Variants in GPATCH2L observed in about 807,000 individuals in gnomAD.
GPATCH2L encodes G patch domain-containing protein 2-like.
In GPATCH2L, 31 loss-of-function variants were observed where a neutral mutation model predicts 57.4. The ratio of observed to expected loss-of-function variants is 0.54; its 90% CI spans 0.41 to 0.73. The LOEUF is 0.73. Ranked by LOEUF, GPATCH2L falls within the 30% of genes least tolerant of loss-of-function variation. The pLI is 0.00. For synonymous variants in GPATCH2L, 199 were observed against 210.7 expected (o/e 0.94, Z 0.48); for missense variants, 481 against 599.9 (o/e 0.80, Z 2.07).
intron 1 of GPATCH2L, among the ~76,000 whole-genome samples, chr14:76,229,524 C>G (rs1237180499): frequency 2.0e-5 from 3 of 152,146 alleles, no homozygotes; most frequent in Admixed American, 2.0e-4. Context: ...GTTTTTCTCG[C>G]ATTAGTCCCT....
At position 76,163,847 on chromosome 14, in the gene GPATCH2L, G is replaced by C. The variant is rs545864232; in HGVS notation, c.663-2816G>C. On this transcript the variant is annotated intron_variant, in intron 2 of 9. Coordinates refer to ENST00000261530, the MANE Select transcript of GPATCH2L (RefSeq NM_017926.4). ...TCTAGAACAAGTTCATTCTATTTAC[G>C]TAACATTCACTGAATGTCTGATATG... 3.9e-5 allele frequency among the ~76,000 whole-genome samples: 6 copies of C among 152,310 alleles called. No homozygotes were observed. In the South Asian group the frequency reaches 1.2e-3, roughly 32 times the overall value.
chr14:76,160,597 G>A (rs2038536863), intron 2 of GPATCH2L, among the ~76,000 whole-genome samples: 1 of 152,208 alleles, frequency 6.6e-6, no homozygotes, highest in African/African-American at 2.4e-5. Flanking sequence ...GAAAATTAAT[G>A]AGAAGAGACT....
intron 8 of GPATCH2L, among the ~76,000 whole-genome samples, chr14:76,192,119 C>CT (rs550626099): frequency 0.22 from 30,324 of 136,598 alleles, 3,853 homozygotes; most frequent in African/African-American, 0.36. Flanking sequence ...AGGACTTACT[C>CT]TTTTTTTTTT....
In GPATCH2L at chr14:76,169,424, G is replaced by T. The variant is rs1048420854; in HGVS notation, c.728-2419G>T. Among the ~76,000 whole-genome samples, 3 of 151,958 alleles carry T rather than the reference G, an allele frequency of 2.0e-5. No homozygotes were observed. In the East Asian group the frequency reaches 5.8e-4, roughly 29 times the overall value. ...TCCTTTTTTTCCCCCAAACAAAATCGAACATAGATTCTCAGATTGTAAAAC... is the reference window on the plus strand; with the variant it reads ...TCCTTTTTTTCCCCCAAACAAAATCTAACATAGATTCTCAGATTGTAAAAC... On this transcript the variant is annotated intron_variant, in intron 3 of 9. Transcript: ENST00000261530.
At chr14:76,158,436 C>T (rs943936222) in intron 2 of GPATCH2L, among the ~76,000 whole-genome samples, 1 of 152,214 alleles carries the variant, frequency 6.6e-6, no homozygotes, top group Admixed American at 6.5e-5. Context: ...TCACCTCTCA[C>T]TTTAACTCCC....
chr14:76,176,894 GT>G (rs1198356587), intron 6 of GPATCH2L, among the ~76,000 whole-genome samples: 3 of 151,900 alleles, frequency 2.0e-5, no homozygotes, highest in Non-Finnish European at 4.4e-5. Context: ...TCACTGTATT[GT>G]TTTTTTATAC....
Position 76,199,553 on chromosome 14 carries a change from T to C in GPATCH2L, c.1289-2138T>C, listed in dbSNP as rs183982332. The stretch of plus-strand genomic sequence containing the variant: ...GAACATTTGGATTGTATTCCTGTTT[T>C]ATGCTATTATGGAAAATACTGCACT... On this transcript the variant is annotated intron_variant, in intron 9 of 9. Transcript: ENST00000261530. Among the ~76,000 whole-genome samples, 838 of 152,320 alleles carry C rather than the reference T, an allele frequency of 5.5e-3. 9 individuals are homozygous for C. The highest frequency in any genetic ancestry group is 0.019 in the African/African-American group (808 of 41,576).
chr14:76,190,806 C>T (rs1409528101), intron 8 of GPATCH2L, among the ~76,000 whole-genome samples: 1 of 152,096 alleles, frequency 6.6e-6, no homozygotes, highest in Non-Finnish European at 1.5e-5. Context: ...ATTCTGCTCC[C>T]ACTCCTCCCC....
At chr14:76,228,834 A>G (rs2040548180) in intron 1 of GPATCH2L, among the ~76,000 whole-genome samples, 1 of 152,120 alleles carries the variant, frequency 6.6e-6, no homozygotes, top group African/African-American at 2.4e-5. Context: ...GAAATATCAA[A>G]CCATATCACA....
At chr14:76,164,136 C>T (rs961750704) in intron 2 of GPATCH2L, among the ~76,000 whole-genome samples, 1 of 152,176 alleles carries the variant, frequency 6.6e-6, no homozygotes, top group Non-Finnish European at 1.5e-5. Context: ...ATTGTTGCTT[C>T]TATGGGATGT....
chr14:76,177,697 G>GTTT (rs137962368), intron 6 of GPATCH2L, among the ~76,000 whole-genome samples: 17,379 of 123,774 alleles, frequency 0.14, 1,309 homozygotes, highest in African/African-American at 0.2. Context: ...CTTTGAAGAG[G>GTTT]TTTTTTTTTG....
intron 8 of GPATCH2L, among the ~76,000 whole-genome samples, chr14:76,191,138 G>GT (rs1424620317): frequency 6.6e-6 from 1 of 151,638 alleles, no homozygotes; most frequent in Admixed American, 6.6e-5. Flanking sequence ...TATCCTTGTT[G>GT]TTACTGCATT....
chr14:76,154,142 C>CA lies in GPATCH2L; in HGVS notation c.-10-208dup, dbSNP rs1279764165. On this transcript the variant is annotated intron_variant, in intron 1 of 9. Transcript: ENST00000261530. This position sits in a 1 kb window ranked among gnomAD's most constrained non-coding sequence, Gnocchi z 4.4. ...TTGACTTCAGGCATTTAACAAGGGA[C>CA]AAAACATCTATTTTTAGTGACTTAA... 1 of 460,534 alleles carries CA rather than the reference C, an allele frequency of 2.2e-6. No homozygotes were observed. Among genetic ancestry groups the CA allele is most frequent in the Non-Finnish European group, 3.8e-6 (1 of 260,862 alleles). The allele number at this position is 460,534 out of a possible 1,614,324, so 28.5% of individuals were successfully genotyped here.
In GPATCH2L at chr14:76,212,000, G is replaced by A. The variant is rs1595008813; in HGVS notation, c.*10149G>A. ...TATGTTCCATTATTAAAATAGTATA[G>A]GGAGGACAGGTAAATTACTAATTTT... On this transcript the variant is annotated 3_prime_UTR_variant, in exon 10 of 10. Coordinates refer to ENST00000261530, the MANE Select transcript of GPATCH2L (RefSeq NM_017926.4). The A allele has an allele frequency of 6.6e-6, 1 of 152,066 alleles. No homozygotes were observed. Among genetic ancestry groups the A allele is most frequent in the African/African-American group, 2.4e-5 (1 of 41,398 alleles). 9.4% of individuals were successfully genotyped at this position (152,066 alleles called of 1,614,324 possible).
At position 76,208,267 on chromosome 14, in the gene GPATCH2L, T is replaced by C. The variant is rs1054464098; in HGVS notation, c.*6416T>C. On this transcript the variant is annotated 3_prime_UTR_variant, in exon 10 of 10. Transcript: ENST00000261530. ...AAGAAAATATCAGAGAACTTAAAGA[T>C]GGCCTTCGTGACTTTGACTCAAAAT... 3 of 152,180 alleles carry C rather than the reference T, an allele frequency of 2.0e-5. No homozygotes were observed. The highest frequency in any genetic ancestry group is 2.9e-5 in the Non-Finnish European group (2 of 68,034). 9.4% of individuals were successfully genotyped at this position (152,180 alleles called of 1,614,324 possible). A position where few individuals can be genotyped will look rare whatever the true frequency, so the allele number is the denominator to read the frequency against.
intron 1 of GPATCH2L, among the ~76,000 whole-genome samples, chr14:76,226,720 G>A (rs1430807804): frequency 1.3e-5 from 2 of 152,180 alleles, no homozygotes; most frequent in African/African-American, 4.8e-5. Flanking sequence ...GCAGCAAGAA[G>A]GTTCTCATCA....
downstream of GPATCH2L, among the ~76,000 whole-genome samples, chr14:76,218,804 ATACT>A (rs1389078719): frequency 3.9e-5 from 6 of 152,022 alleles, no homozygotes; most frequent in Non-Finnish European, 5.9e-5. Flanking sequence ...ATAGATCTAA[ATACT>A]TACGAGAATT....
rs137962368 is a variant in GPATCH2L, at chr14:76,177,697, G to GTTTTTTTT, written c.1053-289_1053-282dup. Among the ~76,000 whole-genome samples, 3 of 127,390 alleles carry GTTTTTTTT rather than the reference G, an allele frequency of 2.4e-5. 1 individual carries two copies. Among genetic ancestry groups the GTTTTTTTT allele is most frequent in the Non-Finnish European group, 1.6e-5 (1 of 61,672 alleles). The allele number at this position is 127,390 out of a possible 152,430, so 83.6% of individuals were successfully genotyped here. On this transcript the variant is annotated intron_variant, in intron 6 of 9. Coordinates refer to ENST00000261530, the MANE Select transcript of GPATCH2L (RefSeq NM_017926.4). ...TTACAAGCCTTTTTCCTTTGAAGAG[G>GTTTTTTTT]TTTTTTTTTGTTTTTGTTTTTGCAA...
chr14:76,163,994 G>C lies in GPATCH2L; in HGVS notation c.663-2669G>C, dbSNP rs2038715668. ...TTCTGCCCCGGTTAGGCAAGGAAGGGTGAACTGTACGACTCTTGAGTAGTT... is the reference window on the plus strand; with the variant it reads ...TTCTGCCCCGGTTAGGCAAGGAAGGCTGAACTGTACGACTCTTGAGTAGTT... On this transcript the variant is annotated intron_variant, in intron 2 of 9. Coordinates refer to ENST00000261530, the MANE Select transcript of GPATCH2L (RefSeq NM_017926.4). Among the ~76,000 whole-genome samples the C allele has an allele frequency of 2.6e-5, 4 of 152,140 alleles. No individual in the cohort carries two copies. In the South Asian group the frequency reaches 8.3e-4, roughly 32 times the overall value.
Sources: allele counts gnomAD v4.1 joint callset (sites outside exome capture counted in the v4.1 genomes callset), GRCh38; gene constraint gnomAD v4.1.1; non-coding constraint Gnocchi (gnomAD v3.1); transcripts MANE v1.5; gene names NCBI Gene and HGNC (gene_info 2026-07-23, HGNC 2026-07-21).